DNAJC1: variants seen among roughly 807,000 people sequenced by gnomAD.
DNAJC1 encodes the protein DnaJ heat shock protein family (Hsp40) member C1, also known as dnaJ homolog subfamily C member 1.
Under a neutral mutation model 76.6 loss-of-function variants are expected in DNAJC1, and 58 were observed. The observed-to-expected ratio is 0.76, with a 90% CI of 0.61 to 0.94. The LOEUF is 0.94. DNAJC1 is among the 40% of genes least tolerant of loss of function. The pLI, the probability that DNAJC1 is intolerant of heterozygous loss-of-function variation, is 0.00. For missense variants in DNAJC1, 689 were observed against 677.3 expected (o/e 1.02, Z -0.19); for synonymous variants, 258 against 267.9 (o/e 0.96, Z 0.36).
intron 9 of DNAJC1, among the ~76,000 whole-genome samples, chr10:21,782,445 C>T (rs1262503322): frequency 1.3e-5 from 2 of 152,088 alleles, no homozygotes; most frequent in Admixed American, 1.3e-4. Flanking sequence ...GATTCACAGC[C>T]GAATTCTACC....
intron 5 of DNAJC1, among the ~76,000 whole-genome samples, chr10:21,919,606 ATTAT>A (rs1322179811): frequency 1.3e-5 from 2 of 151,936 alleles, no homozygotes; most frequent in Non-Finnish European, 2.9e-5. Context: ...AATTTGAGGG[ATTAT>A]TTAAATATAT....
chr10:21,869,015 T>C (rs915158085), intron 8 of DNAJC1, among the ~76,000 whole-genome samples: 8 of 151,978 alleles, frequency 5.3e-5, no homozygotes, highest in Non-Finnish European at 1.5e-5. Context: ...TGTCCCCAAA[T>C]ACATTTATTT....
At chr10:21,819,060 T>C (rs1174423858) in intron 8 of DNAJC1, among the ~76,000 whole-genome samples, 4 of 152,158 alleles carry the variant, frequency 2.6e-5, no homozygotes, top group South Asian at 2.1e-4. Context: ...GACTTTACAA[T>C]GTGACACTAG....
intron 1 of DNAJC1, among the ~76,000 whole-genome samples, chr10:21,962,679 T>C (rs1837818558): frequency 6.7e-6 from 1 of 149,238 alleles, no homozygotes; most frequent in Non-Finnish European, 1.5e-5. Flanking sequence ...AGACAGGTTA[T>C]TGCCGTGTTG....
intron 1 of DNAJC1, among the ~76,000 whole-genome samples, chr10:21,960,668 G>A (rs1320622180): frequency 6.6e-6 from 1 of 152,116 alleles, no homozygotes; most frequent in Non-Finnish European, 1.5e-5. Context: ...CCAGCCCAGA[G>A]GACAGAGGGA....
chr10:21,796,609 T>A (rs2131637203), intron 9 of DNAJC1, among the ~76,000 whole-genome samples: 1 of 152,216 alleles, frequency 6.6e-6, no homozygotes, highest in East Asian at 1.9e-4. Context: ...CAACACTTCT[T>A]TTTGTTTTGT....
chr10:21,898,499 C>T (rs1836583545), intron 7 of DNAJC1, among the ~76,000 whole-genome samples: 1 of 150,594 alleles, frequency 6.6e-6, no homozygotes. Context: ...GTATATAACA[C>T]TTGATTATAA....
intron 8 of DNAJC1, among the ~76,000 whole-genome samples, chr10:21,824,214 T>C (rs1200744438): frequency 1.3e-5 from 2 of 152,226 alleles, no homozygotes; most frequent in East Asian, 3.8e-4. Context: ...TCTGAAGGAA[T>C]ACTAAAGCTT....
intron 8 of DNAJC1, among the ~76,000 whole-genome samples, chr10:21,809,949 T>C (rs887203304): frequency 2.0e-5 from 3 of 151,728 alleles, no homozygotes; most frequent in Non-Finnish European, 4.4e-5. Flanking sequence ...CATGTGTGTG[T>C]GTATGTGTGT....
rs527322932 is a variant in DNAJC1 at position 21,919,758 on chromosome 10, A to G, written c.635+74T>C. 5 of 997,426 alleles carry G rather than the reference A, an allele frequency of 5.0e-6. No homozygotes were observed. The South Asian group carries it at 6.2e-5, about 12-fold the overall frequency. 61.8% of individuals were successfully genotyped at this position (997,426 alleles called of 1,614,324 possible). A position where few individuals can be genotyped will look rare whatever the true frequency, so the allele number is the denominator to read the frequency against. On this transcript the variant is annotated intron_variant, in intron 5 of 11. Transcript: ENST00000376980. ...TGAGAGCACATGTAAATAGACATACATATGAAGTTGAATCATATTAAAGAT... is the reference window on the plus strand; with the variant it reads ...TGAGAGCACATGTAAATAGACATACGTATGAAGTTGAATCATATTAAAGAT...
intron 9 of DNAJC1, among the ~76,000 whole-genome samples, chr10:21,769,321 G>A (rs897921409): frequency 6.6e-6 from 1 of 152,178 alleles, no homozygotes; most frequent in East Asian, 1.9e-4. Flanking sequence ...AGCTTACTAT[G>A]CAATAGGCAC....
At chr10:21,840,254 C>A (rs1001549277) in intron 8 of DNAJC1, among the ~76,000 whole-genome samples, 3 of 152,086 alleles carry the variant, frequency 2.0e-5, no homozygotes, top group East Asian at 1.9e-4. Flanking sequence ...CTGGCCAGGG[C>A]AATCAGGCAG....
intron 8 of DNAJC1, among the ~76,000 whole-genome samples, chr10:21,832,588 C>A (rs1835377844): frequency 6.6e-6 from 1 of 152,162 alleles, no homozygotes; most frequent in African/African-American, 2.4e-5. Context: ...CTCCTTATTG[C>A]ATTATCCAAT....
At chr10:21,815,553 T>C (rs1260676860) in intron 8 of DNAJC1, among the ~76,000 whole-genome samples, 1 of 152,216 alleles carries the variant, frequency 6.6e-6, no homozygotes, top group Non-Finnish European at 1.5e-5. Flanking sequence ...TTAGTCCATA[T>C]ATAGCATGAA....
chr10:21,805,445 C>CAT (rs1203241809), intron 9 of DNAJC1, among the ~76,000 whole-genome samples: 2 of 150,072 alleles, frequency 1.3e-5, no homozygotes, highest in Admixed American at 6.6e-5. Flanking sequence ...TATGGACACA[C>CAT]ACACACACAC....
chr10:21,951,970 T>C (rs1447430579), intron 1 of DNAJC1, among the ~76,000 whole-genome samples: 10 of 152,212 alleles, frequency 6.6e-5, no homozygotes, highest in Non-Finnish European at 1.5e-4. Context: ...CATGGCTTTC[T>C]GGGAGACTGT....
At chr10:21,782,236 A>G (rs1277552152) in intron 9 of DNAJC1, among the ~76,000 whole-genome samples, 2 of 152,224 alleles carry the variant, frequency 1.3e-5, no homozygotes, top group Admixed American at 1.3e-4. Context: ...AGAAATACTA[A>G]CTACCATCAG....
chr10:21,973,757 AG>A (rs1838019730), intron 1 of DNAJC1, among the ~76,000 whole-genome samples: 1 of 152,028 alleles, frequency 6.6e-6, no homozygotes, highest in African/African-American at 2.4e-5. Flanking sequence ...AAAGAAAAAA[AG>A]AAAAAAGAAG....
chr10:21,806,161 G>A, intron 8 of DNAJC1, 62 bp from the exon 9 acceptor site: 1 of 1,508,734 alleles, frequency 6.6e-7, no homozygotes, highest in Non-Finnish European at 8.9e-7. Flanking sequence ...ATAATTGGAA[G>A]AATAAAAAAA....
Sources: gnomAD v4.1 joint callset for allele counts (sites outside exome capture counted in the v4.1 genomes callset) on GRCh38, gnomAD v4.1.1 for gene constraint, MANE v1.5 for transcripts, NCBI Gene and HGNC (gene_info 2026-07-23, HGNC 2026-07-21) for gene names.